ATG7: variants seen among roughly 807,000 people sequenced by gnomAD.
ATG7 encodes ubiquitin-like modifier-activating enzyme ATG7.
ATG7 carries 70 observed loss-of-function variants against 82.4 expected under a neutral mutation model. The ratio of observed to expected loss-of-function variants is 0.85; its 90% CI spans 0.70 to 1.04. The LOEUF (loss-of-function observed/expected upper bound fraction) is 1.04, where lower values mean the gene tolerates loss of function less well. Among genes scored for constraint, ATG7 ranks in the 50% least tolerant of loss-of-function variants. The pLI is 0.00. For synonymous variants in ATG7, 287 were observed against 313.0 expected (o/e 0.92, Z 0.88); for missense variants, 792 against 864.3 (o/e 0.92, Z 1.05).
chr3:11,543,555 G>A (rs1370658604), intron 20 of ATG7, among the ~76,000 whole-genome samples: 2 of 152,192 alleles, frequency 1.3e-5, no homozygotes, highest in African/African-American at 4.8e-5. Context: ...GTACAAGAGT[G>A]GGAAGGCAGG....
At chr3:11,380,112 G>A (rs190463904) in intron 19 of ATG7, 60 bp downstream of exon 19, 26 of 1,514,614 alleles carry the variant, frequency 1.7e-5, no homozygotes, top group African/African-American at 2.7e-5. Flanking sequence ...GCATTTGACC[G>A]CAGCCTCACC....
chr3:11,417,805 A>ATTTTTTTTTTTTTTTTTTTT (rs200364263), intron 19 of ATG7, among the ~76,000 whole-genome samples: 2 of 52,742 alleles, frequency 3.8e-5, no homozygotes, highest in East Asian at 4.9e-4. Context: ...TTATTATTTT[A>ATTTTTTTTTTTTTTTTTTTT]TTTTATTTTA....
chr3:11,398,653 G>A (rs2079532867), intron 19 of ATG7, among the ~76,000 whole-genome samples: 1 of 152,192 alleles, frequency 6.6e-6, no homozygotes, highest in African/African-American at 2.4e-5. Flanking sequence ...AAGAGTTTGA[G>A]ACCAGCCTGT....
intron 20 of ATG7, among the ~76,000 whole-genome samples, chr3:11,520,724 G>A (rs1262287441): frequency 1.3e-5 from 2 of 152,202 alleles, no homozygotes; most frequent in East Asian, 3.8e-4. Flanking sequence ...CAGTCATTCT[G>A]TGGATCTGGG....
chr3:11,561,891 C>T (rs1332947002), downstream of ATG7, among the ~76,000 whole-genome samples: 29 of 88,608 alleles, frequency 3.3e-4, no homozygotes, highest in Admixed American at 2.6e-3. Flanking sequence ...CTGCGCCAAA[C>T]TTTTTTTTTT....
chr3:11,453,585 A>G (rs1260500467), intron 20 of ATG7, among the ~76,000 whole-genome samples: 1 of 152,182 alleles, frequency 6.6e-6, no homozygotes, highest in Non-Finnish European at 1.5e-5. Context: ...GTGATGTTCC[A>G]AGCTCTTTGT....
At chr3:11,317,584 C>CTTTTTTTT (rs370026914) in intron 9 of ATG7, among the ~76,000 whole-genome samples, 303 of 114,454 alleles carry the variant, frequency 2.6e-3, no homozygotes, top group African/African-American at 2.9e-3. Flanking sequence ...TTCTTTCTTT[C>CTTTTTTTT]TTTTTTTTTT....
the ATG7 span, among the ~76,000 whole-genome samples, chr3:11,566,540 C>T: frequency 5.1e-4 from 77 of 152,202 alleles, no homozygotes; most frequent in Non-Finnish European, 1.0e-3. Flanking sequence ...CTGGGCCTGA[C>T]CACCTTCCCG....
chr3:11,351,925 A>C (rs1008601645), intron 14 of ATG7, among the ~76,000 whole-genome samples: 2 of 151,428 alleles, frequency 1.3e-5, no homozygotes, highest in Non-Finnish European at 2.9e-5. Flanking sequence ...ATATGTATAC[A>C]TGTGCCATGT....
chr3:11,484,495 A>G (rs982680056), intron 20 of ATG7, among the ~76,000 whole-genome samples: 10 of 152,234 alleles, frequency 6.6e-5, no homozygotes, highest in African/African-American at 2.2e-4. Flanking sequence ...ATAATTTAGG[A>G]CAAAATTGGC....
intron 9 of ATG7, among the ~76,000 whole-genome samples, chr3:11,330,059 T>C (rs774310906): frequency 6.6e-6 from 1 of 152,220 alleles, no homozygotes; most frequent in Non-Finnish European, 1.5e-5. Flanking sequence ...TTCTTGTGAT[T>C]AGACTGGGGT....
intron 19 of ATG7, among the ~76,000 whole-genome samples, chr3:11,388,864 G>C (rs1185251641): frequency 6.6e-6 from 1 of 152,136 alleles, no homozygotes; most frequent in African/African-American, 2.4e-5. Flanking sequence ...GGAGCCATCA[G>C]CTGGAACTGG....
At chr3:11,348,977 C>T (rs1205872856) in intron 14 of ATG7, among the ~76,000 whole-genome samples, 2 of 149,912 alleles carry the variant, frequency 1.3e-5, no homozygotes, top group African/African-American at 4.9e-5. Flanking sequence ...ACAGTGCTGA[C>T]TGGTGAGTTT....
chr3:11,325,671 C>CAA (rs879330549), intron 9 of ATG7, among the ~76,000 whole-genome samples: 6 of 103,836 alleles, frequency 5.8e-5, no homozygotes, highest in African/African-American at 1.7e-4. Flanking sequence ...AACTACATCT[C>CAA]AAAAAAAAAA....
chr3:11,344,176 T>A (rs1954115231), intron 13 of ATG7, among the ~76,000 whole-genome samples: 1 of 152,210 alleles, frequency 6.6e-6, no homozygotes, highest in African/African-American at 2.4e-5. Flanking sequence ...ACTCTCTTAG[T>A]TCTAAGAGTT....
In ATG7 at chr3:11,555,989, C is replaced by T. The variant is rs2072366023; in HGVS notation, c.*1146C>T. 1 of 152,856 alleles carries T rather than the reference C, an allele frequency of 6.5e-6. No individual in the cohort carries two copies. The highest frequency in any genetic ancestry group is 2.1e-4 in the South Asian group (1 of 4,824). 9.5% of individuals were successfully genotyped at this position (152,856 alleles called of 1,614,324 possible). On this transcript the variant is annotated 3_prime_UTR_variant, in exon 21 of 21. Coordinates refer to ENST00000693202, the MANE Select transcript of ATG7 (RefSeq NM_001349232.2). The stretch of plus-strand genomic sequence containing the variant: ...GCTGTCGTTCAGCTCATGGGAGCTT[C>T]ATGGGGACACAGCCGGCACAGGTGC...
At chr3:11,444,002 C>T (rs2084267839) in intron 20 of ATG7, among the ~76,000 whole-genome samples, 1 of 152,162 alleles carries the variant, frequency 6.6e-6, no homozygotes, top group Admixed American at 6.5e-5. Flanking sequence ...TCCTGTACAA[C>T]TTCAGTCTGG....
chr3:11,442,796 C>G (rs1009387507), intron 20 of ATG7, among the ~76,000 whole-genome samples: 1 of 146,348 alleles, frequency 6.8e-6, no homozygotes, highest in Admixed American at 6.9e-5. Flanking sequence ...TGGCACATGC[C>G]TGTAGTCCCA....
At chr3:11,343,676 G>A (rs962788611) in intron 13 of ATG7, among the ~76,000 whole-genome samples, 7 of 152,104 alleles carry the variant, frequency 4.6e-5, no homozygotes, top group Admixed American at 3.9e-4. Context: ...ATGATAAGGG[G>A]TAAAGATCTA....
Sources: allele counts gnomAD v4.1 joint callset (sites outside exome capture counted in the v4.1 genomes callset), GRCh38; gene constraint gnomAD v4.1.1; transcripts MANE v1.5; gene names NCBI Gene and HGNC (gene_info 2026-07-23, HGNC 2026-07-21).